Variants in OR4C16 observed in about 807,000 individuals in gnomAD.
OR4C16 encodes olfactory receptor 4C16.
A neutral mutation model predicts 14.4 loss-of-function variants in OR4C16; 24 were observed. That is an observed-to-expected ratio of 1.66 (90% CI 1.21 to 2.34). The LOEUF is 2.34. OR4C16 is among the 30% of genes most tolerant of loss of function. The pLI is 0.00. For synonymous variants in OR4C16, 233 were observed against 133.5 expected (o/e 1.75, Z -5.14); for missense variants, 674 against 364.2 (o/e 1.85, Z -6.92).
In OR4C16 at chr11:55,572,253, A is replaced by G. The variant is rs763737908; in HGVS notation, c.126A>G (p.Leu42=). The change falls in exon 1 of 1, where the codon CTA becomes CTG. Residue 42 remains leucine, a synonymous_variant. Coordinates refer to ENST00000623907, the MANE Select transcript of OR4C16 (RefSeq NM_001004701.2). Reference sequence around the variant, plus strand: ...TGGGAACACTGTTGGGTAATTTGCTAATCATTATTAGTGTCAAGACCAGCC... The same window carrying G: ...TGGGAACACTGTTGGGTAATTTGCTGATCATTATTAGTGTCAAGACCAGCC... ...LYLGTLLGNL[L]IIISVKTSQA... is the part of the protein sequence containing the mutation. 9 of 1,612,220 alleles carry G rather than the reference A, an allele frequency of 5.6e-6. No individual in the cohort carries two copies. The highest frequency in any genetic ancestry group is 7.6e-6 in the Non-Finnish European group (9 of 1,178,472).
Position 55,572,924 on chromosome 11 carries a change from A to C in OR4C16, c.797A>C (p.Asp266Ala). 1.2e-6 allele frequency: 2 copies of C among 1,613,606 alleles called. No homozygotes were observed. Among genetic ancestry groups the C allele is most frequent in the Non-Finnish European group, 1.7e-6 (2 of 1,179,546 alleles). Residue 266 changes from aspartate to alanine, a missense_variant, in exon 1 of 1, where the codon GAT becomes GCT. Coordinates refer to ENST00000623907, the MANE Select transcript of OR4C16 (RefSeq NM_001004701.2). Reference protein sequence around the residue: ...YTCLATVFPMDKMIAVFYTVG... With the variant: ...YTCLATVFPMAKMIAVFYTVG... ...TGCCTTGCAACCGTATTCCCCATGG[A>C]TAAGATGATAGCTGTATTTTATACA...
In OR4C16 at chr11:55,573,016, A is replaced by C; in HGVS notation, c.889A>C (p.Arg297=). 1 of 1,587,124 alleles carries C rather than the reference A, an allele frequency of 6.3e-7. No homozygotes were observed. The change falls in exon 1 of 1, where the codon AGG becomes CGG. Residue 297 remains arginine, a synonymous_variant. Coordinates refer to ENST00000623907, the MANE Select transcript of OR4C16 (RefSeq NM_001004701.2). ...LKNTEVKSAM[R]KLWSKKLITD... is the part of the protein sequence containing the mutation. ...GAATACAGAAGTGAAAAGTGCCATG[A>C]GGAAGCTTTGGAGCAAGAAATTGAT...
In OR4C16 at chr11:55,572,626, T is replaced by G; in HGVS notation, c.499T>G (p.Cys167Gly). 1 of 1,614,214 alleles carries G rather than the reference T, an allele frequency of 6.2e-7. No homozygotes were observed. The highest frequency in any genetic ancestry group is 8.5e-7 in the Non-Finnish European group (1 of 1,180,040). ...TTTTCTTGCCCTGAGTTTGCCATTC[T>G]GTGGCCCCAATGTGATCAATCACTG... ...QIFLALSLPFCGPNVINHCFC... is the reference protein window; with the variant it reads ...QIFLALSLPFGGPNVINHCFC... The change falls in exon 1 of 1, where the codon TGT becomes GGT. Residue 167 changes from cysteine (C) to glycine (G), a missense_variant. Cys to Gly is a radical substitution (Grantham distance 159). Transcript: ENST00000623907.
Position 55,572,713 on chromosome 11 carries a change from C to T in OR4C16, c.586C>T (p.Leu196Phe), listed in dbSNP as rs1045363178. Residue 196 changes from leucine (L) to phenylalanine (F), a missense_variant, in exon 1 of 1, where the codon CTC (leucine) becomes TTC (phenylalanine). Transcript: ENST00000623907. ...ACSETYVVNLLLVSNSGAICA... is the reference protein window; with the variant it reads ...ACSETYVVNLFLVSNSGAICA... ...TTCAGAAACCTATGTGGTTAACCTA[C>T]TCCTGGTTTCCAATAGTGGGGCCAT... 1.2e-6 allele frequency: 2 copies of T among 1,613,448 alleles called. No homozygotes were observed. Among genetic ancestry groups the T allele is most frequent in the Non-Finnish European group, 1.7e-6 (2 of 1,179,490 alleles).
rs144962866 is a variant in OR4C16 at position 55,572,581 on chromosome 11, G to T, written c.454G>T (p.Val152Leu). 4 of 1,614,060 alleles carry T rather than the reference G, an allele frequency of 2.5e-6. No homozygotes were observed. The highest frequency in any genetic ancestry group is 3.4e-6 in the Non-Finnish European group (4 of 1,180,014). The change falls in exon 1 of 1, where the codon GTG becomes TTG. Residue 152 changes from valine (V) to leucine (L), a missense_variant. By Grantham distance (32) the Val-to-Leu change is conservative. Transcript: ENST00000623907. ...LMAVAWVGSC[V>L]HSLVQIFLAL... ...GGCTGTGGCCTGGGTGGGATCCTGT[G>T]TGCATTCTTTAGTTCAGATTTTTCT...
In OR4C16 at chr11:55,572,798, G is replaced by C. The variant is rs1857405269; in HGVS notation, c.671G>C (p.Arg224Thr). Reference sequence around the variant, plus strand: ...TATGTCATCTTCTTGCATTCTCTGAGAAACCACAGTGCTGAAGTGATAAAG... The same window carrying C: ...TATGTCATCTTCTTGCATTCTCTGACAAACCACAGTGCTGAAGTGATAAAG... ...FSYVIFLHSL[R>T]NHSAEVIKKA... Residue 224 changes from arginine to threonine, a missense_variant, in exon 1 of 1, where the codon AGA becomes ACA. By Grantham distance (71) the Arg-to-Thr change is moderately conservative. Coordinates refer to ENST00000623907, the MANE Select transcript of OR4C16 (RefSeq NM_001004701.2). The C allele has an allele frequency of 1.2e-6, 2 of 1,614,114 alleles. No homozygotes were observed.
Position 55,572,327 on chromosome 11 carries a change from C to A in OR4C16, c.200C>A (p.Ser67Tyr). 1 of 1,613,264 alleles carries A rather than the reference C, an allele frequency of 6.2e-7. No homozygotes were observed. The highest frequency in any genetic ancestry group is 8.5e-7 in the Non-Finnish European group (1 of 1,179,268). ...TTCTTCCTTTTCTACTTATCCTTAT[C>A]TGATACTTGCCTCTCTACTTCCATA... ...MFFFLFYLSL[S>Y]DTCLSTSITP... The change falls in exon 1 of 1, where the codon TCT becomes TAT. Residue 67 changes from serine (S) to tyrosine (Y), a missense_variant. By Grantham distance (144) the Ser-to-Tyr change is moderately radical (BLOSUM62 -2). Transcript: ENST00000623907.
chr11:55,573,008 G>A lies in OR4C16; in HGVS notation c.881G>A (p.Ser294Asn). 3 of 1,589,982 alleles carry A rather than the reference G, an allele frequency of 1.9e-6. No homozygotes were observed. The highest frequency in any genetic ancestry group is 1.7e-6 in the Non-Finnish European group (2 of 1,166,682). ...ACGCTGAAGAATACAGAAGTGAAAA[G>A]TGCCATGAGGAAGCTTTGGAGCAAG... ...IYTLKNTEVK[S>N]AMRKLWSKKL... is the part of the protein sequence containing the mutation. The change falls in exon 1 of 1, where the codon AGT becomes AAT. Residue 294 changes from serine (S) to asparagine (N), a missense_variant. Ser to Asn is a conservative substitution (Grantham distance 46). Coordinates refer to ENST00000623907, the MANE Select transcript of OR4C16 (RefSeq NM_001004701.2).
At position 55,572,527 on chromosome 11, in the gene OR4C16, A is replaced by G; in HGVS notation, c.400A>G (p.Ile134Val). 1.2e-6 allele frequency: 2 copies of G among 1,614,090 alleles called. No homozygotes were observed. The highest frequency in any genetic ancestry group is 1.7e-6 in the Non-Finnish European group (2 of 1,180,010). The part of the protein sequence containing the change: ...ICKPLHYMTI[I>V]SQWVCGVLMA... ...TAAGCCCCTGCACTACATGACCATC[A>G]TAAGCCAGTGGGTCTGTGGTGTTTT... Residue 134 changes from isoleucine to valine, a missense_variant, in exon 1 of 1, where the codon ATA (isoleucine) becomes GTA (valine). By Grantham distance (29) the Ile-to-Val change is conservative. Transcript: ENST00000623907.
Position 55,572,855 on chromosome 11 carries a change from T to C in OR4C16, c.728T>C (p.Ile243Thr), listed in dbSNP as rs755600667. 7 of 1,613,704 alleles carry C rather than the reference T, an allele frequency of 4.3e-6. No individual in the cohort carries two copies. The highest frequency in any genetic ancestry group is 3.3e-5 in the South Asian group (3 of 91,074). ...KALSTCVSHI[I>T]VVILFFGPCI... Reference sequence around the variant, plus strand: ...CTTTCCACATGTGTCTCCCACATCATTGTGGTCATCTTGTTCTTTGGACCT... The same window carrying C: ...CTTTCCACATGTGTCTCCCACATCACTGTGGTCATCTTGTTCTTTGGACCT... The change falls in exon 1 of 1, where the codon ATT (isoleucine) becomes ACT (threonine). Residue 243 changes from isoleucine to threonine, a missense_variant. Coordinates refer to ENST00000623907, the MANE Select transcript of OR4C16 (RefSeq NM_001004701.2).
chr11:55,572,921 T>C lies in OR4C16; in HGVS notation c.794T>C (p.Met265Thr), dbSNP rs1565052804. The change falls in exon 1 of 1, where the codon ATG becomes ACG. Residue 265 changes from methionine (M) to threonine (T), a missense_variant. Met to Thr is a moderately conservative substitution (Grantham distance 81). Transcript: ENST00000623907. ...ACATGCCTTGCAACCGTATTCCCCA[T>C]GGATAAGATGATAGCTGTATTTTAT... Reference protein sequence around the residue: ...MYTCLATVFPMDKMIAVFYTV... With the variant: ...MYTCLATVFPTDKMIAVFYTV... 1 of 1,613,644 alleles carries C rather than the reference T, an allele frequency of 6.2e-7. No homozygotes were observed. Among genetic ancestry groups the C allele is most frequent in the East Asian group, 2.2e-5 (1 of 44,868 alleles).
rs557590 is a variant in OR4C16, at chr11:55,572,353, A to G, written c.226A>G (p.Thr76Ala). Reference sequence around the variant, plus strand: ...TGATACTTGCCTCTCTACTTCCATAACCCCTAGAATGATTGTGGATGCCCT... The same window carrying G: ...TGATACTTGCCTCTCTACTTCCATAGCCCCTAGAATGATTGTGGATGCCCT... ...LSDTCLSTSI[T>A]PRMIVDALLK... The change falls in exon 1 of 1, where the codon ACC (threonine) becomes GCC (alanine). Residue 76 changes from threonine (T) to alanine (A), a missense_variant. Thr to Ala is a moderately conservative substitution (Grantham distance 58). Coordinates refer to ENST00000623907, the MANE Select transcript of OR4C16 (RefSeq NM_001004701.2). 0.89 allele frequency: 1,438,473 copies of G among 1,612,868 alleles called. 643,499 individuals carry two copies. Among genetic ancestry groups the G allele is most frequent in the East Asian group, 1 (44,842 of 44,854 alleles).
In OR4C16 at chr11:55,572,522, C is replaced by A. The variant is rs201072970; in HGVS notation, c.395C>A (p.Thr132Asn). 6.2e-7 allele frequency: 1 copy of A among 1,613,968 alleles called. No individual in the cohort carries two copies. The highest frequency in any genetic ancestry group is 1.3e-5 in the African/African-American group (1 of 74,916). Residue 132 changes from threonine (T) to asparagine (N), a missense_variant, in exon 1 of 1, where the codon ACC (threonine) becomes AAC (asparagine). Thr to Asn is a moderately conservative substitution (Grantham distance 65, BLOSUM62 0). Transcript: ENST00000623907. ...VDICKPLHYM[T>N]IISQWVCGVL... is the part of the protein sequence containing the mutation. Reference sequence around the variant, plus strand: ...ATCTGTAAGCCCCTGCACTACATGACCATCATAAGCCAGTGGGTCTGTGGT... The same window carrying A: ...ATCTGTAAGCCCCTGCACTACATGAACATCATAAGCCAGTGGGTCTGTGGT...
In OR4C16 at chr11:55,572,460, C is replaced by T; in HGVS notation, c.333C>T (p.Phe111=). ...SSHVFGCLEI[F]ILILTAVDRY... is the part of the protein sequence containing the mutation. Reference sequence around the variant, plus strand: ...ATGTCTTTGGCTGCCTGGAGATCTTCATCCTCATCCTCACGGCTGTTGACC... The same window carrying T: ...ATGTCTTTGGCTGCCTGGAGATCTTTATCCTCATCCTCACGGCTGTTGACC... Residue 111 remains phenylalanine (F), a synonymous_variant, in exon 1 of 1, where the codon TTC becomes TTT. Transcript: ENST00000623907. 5 of 1,614,060 alleles carry T rather than the reference C, an allele frequency of 3.1e-6. No homozygotes were observed. The highest frequency in any genetic ancestry group is 4.2e-6 in the Non-Finnish European group (5 of 1,179,948).
rs779934408 is a variant in OR4C16 at position 55,572,741 on chromosome 11, G to T, written c.614G>T (p.Cys205Phe). 1.2e-6 allele frequency: 2 copies of T among 1,613,746 alleles called. No homozygotes were observed. The highest frequency in any genetic ancestry group is 2.2e-5 in the South Asian group (2 of 91,068). The change falls in exon 1 of 1, where the codon TGT (cysteine) becomes TTT (phenylalanine). Residue 205 changes from cysteine (C) to phenylalanine (F), a missense_variant. Coordinates refer to ENST00000623907, the MANE Select transcript of OR4C16 (RefSeq NM_001004701.2). ...CTGGTTTCCAATAGTGGGGCCATTT[G>T]TGCAGTGAGTTATGTCATGCTAATA... is the stretch of plus-strand genomic sequence containing the variant. ...LLLVSNSGAI[C>F]AVSYVMLIFS...
At position 55,572,623 on chromosome 11, in the gene OR4C16, T is replaced by C. The variant is rs1451744707; in HGVS notation, c.496T>C (p.Phe166Leu). The C allele has an allele frequency of 3.1e-6, 5 of 1,614,048 alleles. No homozygotes were observed. In the Admixed American group the frequency reaches 5.0e-5, roughly 16 times the overall value. ...GATTTTTCTTGCCCTGAGTTTGCCA[T>C]TCTGTGGCCCCAATGTGATCAATCA... is the stretch of plus-strand genomic sequence containing the variant. Reference protein sequence around the residue: ...VQIFLALSLPFCGPNVINHCF... With the variant: ...VQIFLALSLPLCGPNVINHCF... Residue 166 changes from phenylalanine (F) to leucine (L), a missense_variant, in exon 1 of 1, where the codon TTC (phenylalanine) becomes CTC (leucine). Physicochemically the swap from Phe to Leu is conservative, Grantham distance 22. Transcript: ENST00000623907.
rs1196978816 is a variant in OR4C16 at position 55,572,277 on chromosome 11, C to T, written c.150C>T (p.Ser50=). 6.2e-6 allele frequency: 10 copies of T among 1,612,942 alleles called. 1 individual carries two copies. In the African/African-American group the frequency reaches 1.2e-4, roughly 19 times the overall value. Residue 50 remains serine, a synonymous_variant, in exon 1 of 1, where the codon AGC becomes AGT. Transcript: ENST00000623907. ...NLLIIISVKT[S]QALKNPMFFF... is the part of the protein sequence containing the mutation. Reference sequence around the variant, plus strand: ...TAATCATTATTAGTGTCAAGACCAGCCAGGCACTTAAGAACCCAATGTTCT... The same window carrying T: ...TAATCATTATTAGTGTCAAGACCAGTCAGGCACTTAAGAACCCAATGTTCT...
chr11:55,572,184 T>C lies in OR4C16; in HGVS notation c.57T>C (p.Pro19=). ...EFILLGLTQD[P]FWKKIVFVIF... is the part of the protein sequence containing the mutation. ...TTCTGCTTGGATTGACACAGGATCC[T>C]TTTTGGAAGAAAATAGTGTTTGTTA... The change falls in exon 1 of 1, where the codon CCT becomes CCC. Residue 19 remains proline (P), a synonymous_variant. Coordinates refer to ENST00000623907, the MANE Select transcript of OR4C16 (RefSeq NM_001004701.2). The C allele has an allele frequency of 6.2e-7, 1 of 1,612,008 alleles. No homozygotes were observed.
In OR4C16 at chr11:55,572,345, C is replaced by T. The variant is rs1195846331; in HGVS notation, c.218C>T (p.Thr73Ile). 13 of 1,613,108 alleles carry T rather than the reference C, an allele frequency of 8.1e-6. No individual in the cohort carries two copies. The highest frequency in any genetic ancestry group is 1.1e-5 in the South Asian group (1 of 91,058). Residue 73 changes from threonine (T) to isoleucine (I), a missense_variant, in exon 1 of 1, where the codon ACT becomes ATT. Physicochemically the swap from Thr to Ile is moderately conservative, Grantham distance 89. Coordinates refer to ENST00000623907, the MANE Select transcript of OR4C16 (RefSeq NM_001004701.2). The stretch of plus-strand genomic sequence containing the variant: ...TCCTTATCTGATACTTGCCTCTCTA[C>T]TTCCATAACCCCTAGAATGATTGTG... ...YLSLSDTCLSTSITPRMIVDA... is the reference protein window; with the variant it reads ...YLSLSDTCLSISITPRMIVDA...
Sources: allele counts gnomAD v4.1 joint callset, GRCh38; gene constraint gnomAD v4.1.1; transcripts MANE v1.5; gene names NCBI Gene and HGNC (gene_info 2026-07-23, HGNC 2026-07-21).